Variants in UBN1 observed in about 807,000 individuals in gnomAD.
UBN1 encodes ubinuclein 1.
Under a neutral mutation model 108.5 loss-of-function variants are expected in UBN1, and 17 were observed. The observed-to-expected ratio is 0.16, with a 90% CI of 0.11 to 0.24. UBN1 has a LOEUF of 0.24. UBN1 is among the 10% of genes least tolerant of loss of function. The pLI is 1.00. For missense variants in UBN1, 1,595 were observed against 1,394.4 expected (o/e 1.14, Z -2.29); for synonymous variants, 726 against 564.2 (o/e 1.29, Z -4.07).
chr16:4,863,308 C>G (rs990208234), intron 7 of UBN1, among the ~76,000 whole-genome samples: 4 of 152,150 alleles, frequency 2.6e-5, no homozygotes, highest in African/African-American at 9.7e-5. Context: ...GCTCTTCTGA[C>G]CAGGGCCCTG....
chr16:4,853,194 G>A, intron 2 of UBN1, 28 bp downstream of exon 2: 1 of 1,611,590 alleles, frequency 6.2e-7, no homozygotes, highest in Non-Finnish European at 8.5e-7. Flanking sequence ...CAGAGGCGCT[G>A]CAGGTTTAAC....
chr16:4,855,606 C>CAAA (rs36072146), intron 2 of UBN1, among the ~76,000 whole-genome samples: 2 of 80,214 alleles, frequency 2.5e-5, no homozygotes, highest in African/African-American at 4.6e-5. Context: ...GACCCTGTGT[C>CAAA]AAAAAAAAAA....
chr16:4,862,927 G>A (rs1218214380), intron 7 of UBN1, among the ~76,000 whole-genome samples: 1 of 152,230 alleles, frequency 6.6e-6, no homozygotes, highest in African/African-American at 2.4e-5. Flanking sequence ...AGGTGGGCCT[G>A]GGTCCCAGTG....
chr16:4,859,318 C>T (rs2086948808), intron 5 of UBN1, among the ~76,000 whole-genome samples, 159 bp downstream of exon 5: 1 of 152,280 alleles, frequency 6.6e-6, no homozygotes, highest in East Asian at 1.9e-4. Flanking sequence ...TACACGTGTG[C>T]CCTAATGAGG....
chr16:4,873,618 C>T (rs1435628856), intron 14 of UBN1, among the ~76,000 whole-genome samples: 2 of 152,108 alleles, frequency 1.3e-5, no homozygotes, highest in South Asian at 4.1e-4. Flanking sequence ...CTAAGCAGAC[C>T]GTGAGAATGA....
intron 5 of UBN1, 81 bp downstream of exon 5, chr16:4,859,240 C>G: frequency 6.5e-7 from 1 of 1,547,358 alleles, no homozygotes; most frequent in Non-Finnish European, 8.7e-7. Flanking sequence ...TGCCAGAATA[C>G]GTGGCGCTTG....
Position 4,876,885 on chromosome 16 carries a change from G to A in UBN1, c.3039G>A (p.Gly1013=). 2 of 1,607,780 alleles carry A rather than the reference G, an allele frequency of 1.2e-6. No homozygotes were observed. Among genetic ancestry groups the A allele is most frequent in the African/African-American group, 2.7e-5 (2 of 74,924 alleles). The change falls in exon 16 of 18, where the codon GGG becomes GGA. Residue 1013 remains glycine, a synonymous_variant. Coordinates refer to ENST00000262376, the MANE Select transcript of UBN1 (RefSeq NM_001079514.3). ...TTCTTCCCTAGAAAGGAGCGAGTGG[G>A]ACTGTGCTGCTGGCCGGCTCCTCTT... The part of the protein sequence containing the change: ...SSTSLSKGAS[G]TVLLAGSSLM...
intron 17 of UBN1, among the ~76,000 whole-genome samples, chr16:4,878,718 A>G (rs1313063500): frequency 3.3e-5 from 5 of 152,216 alleles, no homozygotes; most frequent in African/African-American, 1.2e-4. Flanking sequence ...TCAGAAAAGC[A>G]AAGTAATTGA....
intron 12 of UBN1, chr16:4,872,440 CT>C (rs200810981): frequency 1.4e-3 from 206 of 148,376 alleles, no homozygotes; most frequent in Non-Finnish European, 1.7e-3. Context: ...ATCCATTGAC[CT>C]TTTTTTTTGT....
chr16:4,857,213 A>G (rs950199067), intron 2 of UBN1, among the ~76,000 whole-genome samples: 2 of 151,814 alleles, frequency 1.3e-5, no homozygotes, highest in Non-Finnish European at 2.9e-5. Context: ...AGCTAGGCAT[A>G]GTGTTGTATG....
chr16:4,878,603 A>G (rs1172059620), intron 17 of UBN1, among the ~76,000 whole-genome samples: 1 of 152,240 alleles, frequency 6.6e-6, no homozygotes, highest in African/African-American at 2.4e-5. Flanking sequence ...AGTAAAGTGC[A>G]GTGACTTCTC....
At chr16:4,878,149 G>T (rs960721848) in intron 17 of UBN1, among the ~76,000 whole-genome samples, 3 of 152,136 alleles carry the variant, frequency 2.0e-5, no homozygotes, top group Non-Finnish European at 4.4e-5. Context: ...CTGGGCTCAG[G>T]TGCCCCGGGT....
At chr16:4,856,393 A>C (rs930996618) in intron 2 of UBN1, among the ~76,000 whole-genome samples, 1 of 152,252 alleles carries the variant, frequency 6.6e-6, no homozygotes, top group African/African-American at 2.4e-5. Flanking sequence ...TTTGTGCAGC[A>C]GTTCTTTTAG....
Position 4,857,227 on chromosome 16 carries a change from A to G in UBN1, c.250-763A>G, listed in dbSNP as rs554269003. Among the ~76,000 whole-genome samples the G allele has an allele frequency of 1.3e-3, 199 of 152,026 alleles. 3 individuals carry two copies. Among genetic ancestry groups the G allele is most frequent in the Admixed American group, 9.8e-3 (150 of 15,260 alleles). On this transcript the variant is annotated intron_variant, in intron 2 of 17. Transcript: ENST00000262376. ...TAGCTAGGCATAGTGTTGTATGCCTATAGTCCCAGCTATTCAGGAGGCTGA... is the reference window on the plus strand; with the variant it reads ...TAGCTAGGCATAGTGTTGTATGCCTGTAGTCCCAGCTATTCAGGAGGCTGA...
chr16:4,860,164 G>A (rs1448601819), intron 6 of UBN1, among the ~76,000 whole-genome samples, 196 bp downstream of exon 6: 1 of 152,342 alleles, frequency 6.6e-6, no homozygotes, highest in East Asian at 1.9e-4. Context: ...TCCACTGTCA[G>A]TGTTGGCAGC....
chr16:4,870,072 G>C, intron 8 of UBN1, 140 bp from the exon 9 acceptor site: 2 of 1,234,844 alleles, frequency 1.6e-6, no homozygotes, highest in Non-Finnish European at 2.2e-6. Flanking sequence ...GTTTCCTTGG[G>C]CATTCAGTTA....
At chr16:4,861,921 C>T (rs758154246) in intron 7 of UBN1, among the ~76,000 whole-genome samples, 1 of 152,142 alleles carries the variant, frequency 6.6e-6, no homozygotes, top group Non-Finnish European at 1.5e-5. Context: ...TAGCCTGGGC[C>T]ACAGAGCAAG....
chr16:4,851,217 A>G (rs74509131), intron 1 of UBN1, among the ~76,000 whole-genome samples: 2,750 of 152,322 alleles, frequency 0.018, 75 homozygotes, highest in African/African-American at 0.062. Context: ...AAATGACCAT[A>G]TAGGCTGGGC....
chr16:4,858,413 C>T (rs2086906046), intron 3 of UBN1, among the ~76,000 whole-genome samples, 155 bp from the exon 4 acceptor site: 1 of 152,156 alleles, frequency 6.6e-6, no homozygotes. Context: ...AAAAGGTTTT[C>T]AGGAAAGGAG....
Sources: allele counts gnomAD v4.1 joint callset (sites outside exome capture counted in the v4.1 genomes callset), GRCh38; gene constraint gnomAD v4.1.1; transcripts MANE v1.5; gene names NCBI Gene and HGNC (gene_info 2026-07-23, HGNC 2026-07-21).